The following SLC22A9 variants were observed in gnomAD, a reference collection of about 807,000 sequenced individuals.
SLC22A9 encodes organic anion transporter 7.
SLC22A9 carries 64 observed loss-of-function variants against 50.1 expected under a neutral mutation model. That is an observed-to-expected ratio of 1.28 (90% CI 1.04 to 1.57). SLC22A9 has a LOEUF of 1.57. SLC22A9 is among the 40% of genes most tolerant of loss of function. SLC22A9 has a pLI of 0.00. For missense variants in SLC22A9, 757 were observed against 676.1 expected (o/e 1.12, Z -1.33); for synonymous variants, 261 against 242.5 (o/e 1.08, Z -0.71).
intron 6 of SLC22A9, among the ~76,000 whole-genome samples, chr11:63,384,000 G>A (rs1201188637): frequency 4.0e-5 from 6 of 150,948 alleles, no homozygotes; most frequent in African/African-American, 1.5e-4. Context: ...AGTGAGCTGA[G>A]ATCGTGCCAC....
chr11:63,403,520 A>G (rs1292743049), intron 6 of SLC22A9, among the ~76,000 whole-genome samples: 1 of 152,148 alleles, frequency 6.6e-6, no homozygotes, highest in Non-Finnish European at 1.5e-5. Flanking sequence ...ATGAGAGCAT[A>G]TGAACATATA....
intron 6 of SLC22A9, among the ~76,000 whole-genome samples, chr11:63,404,348 T>C (rs2015002076): frequency 6.6e-6 from 1 of 152,110 alleles, no homozygotes; most frequent in Non-Finnish European, 1.5e-5. Context: ...TTTAAGGGCA[T>C]AAAGTATCAG....
At chr11:63,379,365 G>T (rs1440685105) in intron 5 of SLC22A9, among the ~76,000 whole-genome samples, 1 of 152,096 alleles carries the variant, frequency 6.6e-6, no homozygotes, top group East Asian at 1.9e-4. Flanking sequence ...CAAAACTCAA[G>T]TCAAGATAAA....
At chr11:63,395,418 T>G (rs2014836029) in intron 6 of SLC22A9, among the ~76,000 whole-genome samples, 1 of 152,158 alleles carries the variant, frequency 6.6e-6, no homozygotes, top group African/African-American at 2.4e-5. Context: ...GGTGTTCCCT[T>G]GATGGAGTAC....
intron 6 of SLC22A9, among the ~76,000 whole-genome samples, chr11:63,384,711 A>G (rs2014629928): frequency 6.6e-6 from 1 of 152,172 alleles, no homozygotes; most frequent in African/African-American, 2.4e-5. Context: ...TTGAGAAATC[A>G]CCACACCATC....
At chr11:63,404,644 G>T (rs986780287) in intron 6 of SLC22A9, among the ~76,000 whole-genome samples, 1 of 152,136 alleles carries the variant, frequency 6.6e-6, no homozygotes, top group African/African-American at 2.4e-5. Flanking sequence ...GGATGTAGGG[G>T]TTTACAGTGT....
rs984831357 is a variant in SLC22A9 at position 63,379,367 on chromosome 11, C to T, written c.955-2792C>T. Among the ~76,000 whole-genome samples, 3 of 152,198 alleles carry T rather than the reference C, an allele frequency of 2.0e-5. No individual in the cohort carries two copies. The East Asian group carries it at 5.8e-4, about 29-fold the overall frequency. The stretch of plus-strand genomic sequence containing the variant: ...CTTTCACCATATACAAAACTCAAGT[C>T]AAGATAAAGACTTAAGTTTAAGACC... On this transcript the variant is annotated intron_variant, in intron 5 of 9. Coordinates refer to ENST00000279178, the MANE Select transcript of SLC22A9 (RefSeq NM_080866.3).
At chr11:63,408,654 G>C (rs1202953501) in intron 8 of SLC22A9, 22 bp from the exon 9 acceptor site, 2 of 1,596,970 alleles carry the variant, frequency 1.3e-6, no homozygotes, top group African/African-American at 2.7e-5. Flanking sequence ...AGATATTCTT[G>C]TATTGCTGTT....
Position 63,375,640 on chromosome 11 carries a change from G to T in SLC22A9, c.831-5G>T, listed in dbSNP as rs758932367. 1 of 1,611,542 alleles carries T rather than the reference G, an allele frequency of 6.2e-7. No individual in the cohort carries two copies. Among genetic ancestry groups the T allele is most frequent in the South Asian group, 1.1e-5 (1 of 90,924 alleles). On this transcript the variant is annotated splice_region_variant and splice_polypyrimidine_tract_variant and intron_variant, in intron 4 of 9. Transcript: ENST00000279178. ...GACTGCCCCTCTGTTCTCTTCCTTG[G>T]TCAGTTGGCTGCTAGAGTCTGCTCG...
At chr11:63,400,922 C>T (rs548328124) in intron 6 of SLC22A9, among the ~76,000 whole-genome samples, 11 of 152,070 alleles carry the variant, frequency 7.2e-5, no homozygotes, top group South Asian at 2.1e-4. Flanking sequence ...TTTCAACAGA[C>T]GCCAAAAGCA....
chr11:63,383,488 G>A (rs2014603364), intron 6 of SLC22A9, among the ~76,000 whole-genome samples: 1 of 152,078 alleles, frequency 6.6e-6, no homozygotes, highest in East Asian at 1.9e-4. Flanking sequence ...TACAGAGAAT[G>A]TTTGACAAGC....
intron 6 of SLC22A9, 28 bp from the exon 7 acceptor site, chr11:63,406,469 A>G (rs374817999): frequency 1.3e-6 from 2 of 1,586,726 alleles, no homozygotes; most frequent in Non-Finnish European, 1.7e-6. Context: ...AGATTATAAT[A>G]TGTTTCTTTC....
chr11:63,386,670 T>C lies in SLC22A9; in HGVS notation c.1073+4393T>C, dbSNP rs554995125. Among the ~76,000 whole-genome samples, 20 of 151,818 alleles carry C rather than the reference T, an allele frequency of 1.3e-4. No individual in the cohort carries two copies. In the South Asian group the frequency reaches 3.5e-3, roughly 27 times the overall value. Reference sequence around the variant, plus strand: ...TATTTCTATGGGGCCAGTGGTGATATCCACTTTGCCATTTTTTATTGTGTC... The same window carrying C: ...TATTTCTATGGGGCCAGTGGTGATACCCACTTTGCCATTTTTTATTGTGTC... On this transcript the variant is annotated intron_variant, in intron 6 of 9. Transcript: ENST00000279178.
At position 63,370,021 on chromosome 11, in the gene SLC22A9, T is replaced by C; in HGVS notation, c.-36T>C. ...CTTTGAACCTCTCTGGATACAGTCA[T>C]TTTGCCTCTACTTGAGGATCAACTG... On this transcript the variant is annotated 5_prime_UTR_variant, in exon 1 of 10. Transcript: ENST00000279178. 1.3e-6 allele frequency: 2 copies of C among 1,581,942 alleles called. No individual in the cohort carries two copies. Among genetic ancestry groups the C allele is most frequent in the Non-Finnish European group, 1.7e-6 (2 of 1,164,470 alleles).
intron 6 of SLC22A9, among the ~76,000 whole-genome samples, chr11:63,399,286 C>T (rs1034271664): frequency 6.6e-6 from 1 of 152,136 alleles, no homozygotes; most frequent in African/African-American, 2.4e-5. Context: ...CAAGGCCCAA[C>T]TCTAAGTTCC....
At position 63,410,099 on chromosome 11, in the gene SLC22A9, G is replaced by A; in HGVS notation, c.*237G>A. 8.2e-6 allele frequency: 3 copies of A among 363,984 alleles called. No individual in the cohort carries two copies. Among genetic ancestry groups the A allele is most frequent in the Non-Finnish European group, 1.5e-5 (3 of 195,820 alleles). 22.5% of individuals were successfully genotyped at this position (363,984 alleles called of 1,614,324 possible). A position where few individuals can be genotyped will look rare whatever the true frequency, so the allele number is the denominator to read the frequency against. Reference sequence around the variant, plus strand: ...ACTAAAACAAATACAAAACTTCGCTGGGCACAGTGGCACAGGCCTTTAATT... The same window carrying A: ...ACTAAAACAAATACAAAACTTCGCTAGGCACAGTGGCACAGGCCTTTAATT... On this transcript the variant is annotated 3_prime_UTR_variant, in exon 10 of 10. Transcript: ENST00000279178.
chr11:63,370,268 C>T lies in SLC22A9; in HGVS notation c.212C>T (p.Ala71Val), dbSNP rs776059657. 1.2e-6 allele frequency: 2 copies of T among 1,614,040 alleles called. No homozygotes were observed. Among genetic ancestry groups the T allele is most frequent in the Non-Finnish European group, 1.7e-6 (2 of 1,179,914 alleles). Residue 71 changes from alanine (A) to valine (V), a missense_variant, in exon 1 of 10, where the codon GCA becomes GTA. Transcript: ENST00000279178. The part of the protein sequence containing the change: ...DNDTGALSQD[A>V]LLRISIPLDS... ...GACACTGGGGCCCTCAGCCAAGATG[C>T]ACTCTTGAGAATCTCCATCCCACTG...
intron 5 of SLC22A9, among the ~76,000 whole-genome samples, chr11:63,378,634 C>G (rs548713): frequency 6.6e-6 from 1 of 152,008 alleles, no homozygotes; most frequent in Non-Finnish European, 1.5e-5. Context: ...TAGTTGTAGC[C>G]CAAAAGCTCC....
Position 63,373,884 on chromosome 11 carries a change from T to G in SLC22A9, c.662-10T>G, listed in dbSNP as rs2014410657. ...TTTGAAGTCAAAGCCTTATCTGTTT[T>G]TTCTTCCAGTAGCCGAGTGGGCAAC... is the stretch of plus-strand genomic sequence containing the variant. On this transcript the variant is annotated splice_polypyrimidine_tract_variant and intron_variant, in intron 3 of 9. Coordinates refer to ENST00000279178, the MANE Select transcript of SLC22A9 (RefSeq NM_080866.3). 1 of 1,612,070 alleles carries G rather than the reference T, an allele frequency of 6.2e-7. No individual in the cohort carries two copies. Among genetic ancestry groups the G allele is most frequent in the Admixed American group, 1.7e-5 (1 of 59,688 alleles).
Sources: allele counts gnomAD v4.1 joint callset (sites outside exome capture counted in the v4.1 genomes callset), GRCh38; gene constraint gnomAD v4.1.1; transcripts MANE v1.5; gene names NCBI Gene and HGNC (gene_info 2026-07-23, HGNC 2026-07-21).